The following KDM7A variants were observed in gnomAD, a reference collection of about 807,000 sequenced individuals.
KDM7A encodes lysine-specific demethylase 7A.
A neutral mutation model predicts 114.8 loss-of-function variants in KDM7A; 28 were observed. The ratio of observed to expected loss-of-function variants is 0.24; its 90% confidence interval spans 0.18 to 0.33. The LOEUF is 0.33. KDM7A is among the 10% of genes least tolerant of loss of function. KDM7A has a pLI of 1.00. For missense variants in KDM7A, 942 were observed against 1,142.5 expected (o/e 0.82, Z 2.53); for synonymous variants, 423 against 397.8 (o/e 1.06, Z -0.75).
intron 1 of KDM7A, among the ~76,000 whole-genome samples, chr7:140,157,598 G>A: frequency 6.6e-6 from 1 of 152,134 alleles, no homozygotes; most frequent in Non-Finnish European, 1.5e-5. Flanking sequence ...AGGCTGCAGT[G>A]AGCTGTGATC....
chr7:140,176,398 G>A lies in KDM7A; in HGVS notation c.194+346C>T, dbSNP rs1351567484. Among the ~76,000 whole-genome samples the A allele has an allele frequency of 7.0e-6, 1 of 143,714 alleles. No homozygotes were observed. The highest frequency in any genetic ancestry group is 1.5e-5 in the Non-Finnish European group (1 of 64,954). The allele number at this position is 143,714 out of a possible 152,430, so 94.3% of individuals were successfully genotyped here. A position where few individuals can be genotyped will look rare whatever the true frequency, so the allele number is the denominator to read the frequency against. ...GCGGCCCGGGCTGGCGAGGGGCTGC[G>A]GACCCGGCCGGCGCTCCGCCCGACG... is the stretch of plus-strand genomic sequence containing the variant. On this transcript the variant is annotated intron_variant, in intron 1 of 19. Coordinates refer to ENST00000397560, the MANE Select transcript of KDM7A (RefSeq NM_030647.2). This position sits in a 1 kb window ranked among gnomAD's most constrained non-coding sequence, Gnocchi z 4.4.
Position 140,090,980 on chromosome 7 carries a change from C to A in KDM7A, c.*114G>T, listed in dbSNP as rs1275802401. On this transcript the variant is annotated 3_prime_UTR_variant, in exon 20 of 20. Coordinates refer to ENST00000397560, the MANE Select transcript of KDM7A (RefSeq NM_030647.2). ...CATCAGGTTCATTCTGTTCTTCGGG[C>A]AGTGTTCTTACTATACACACAAACT... 2.1e-5 allele frequency: 15 copies of A among 720,606 alleles called. No individual in the cohort carries two copies. In the East Asian group the frequency reaches 3.8e-4, roughly 18 times the overall value. The allele number at this position is 720,606 out of a possible 1,614,324, so 44.6% of individuals were successfully genotyped here. A position where few individuals can be genotyped will look rare whatever the true frequency, so the allele number is the denominator to read the frequency against.
intron 13 of KDM7A, among the ~76,000 whole-genome samples, chr7:140,099,583 G>GT (rs1818168922): frequency 6.6e-6 from 1 of 152,208 alleles, no homozygotes; most frequent in Non-Finnish European, 1.5e-5. Context: ...ACAGCAGGAG[G>GT]TAAGTAGTGG....
At chr7:140,107,830 T>C (rs1278102427) in intron 11 of KDM7A, among the ~76,000 whole-genome samples, 2 of 152,212 alleles carry the variant, frequency 1.3e-5, no homozygotes, top group Non-Finnish European at 2.9e-5. Context: ...CCTTGCTAGG[T>C]TGGGGAAGTT....
At chr7:140,113,744 A>G (rs1357841909) in intron 9 of KDM7A, among the ~76,000 whole-genome samples, 162 bp from the exon 10 acceptor site, 2 of 152,238 alleles carry the variant, frequency 1.3e-5, no homozygotes, top group East Asian at 1.9e-4. Context: ...AAAAGACAAT[A>G]AAGAAACAGA....
chr7:140,165,845 G>GA (rs11440764), intron 1 of KDM7A, among the ~76,000 whole-genome samples: 106,266 of 151,074 alleles, frequency 0.7, 38,801 homozygotes, highest in African/African-American at 0.92. Flanking sequence ...AGTAAGGAAA[G>GA]AAAAAAAAAC....
chr7:140,133,439 T>C (rs1818821319), intron 3 of KDM7A, 100 bp downstream of exon 3: 1 of 672,064 alleles, frequency 1.5e-6, no homozygotes, highest in African/African-American at 1.8e-5. Flanking sequence ...AATAATGGGT[T>C]GCAGCCTAAG....
chr7:140,155,626 G>C (rs1337531664), intron 1 of KDM7A, among the ~76,000 whole-genome samples: 2 of 152,330 alleles, frequency 1.3e-5, no homozygotes, highest in Non-Finnish European at 1.5e-5. Flanking sequence ...TTAGGAGACA[G>C]TGGGAACTGG....
chr7:140,160,514 C>CCGATTTA (rs1331980896), intron 1 of KDM7A, among the ~76,000 whole-genome samples: 1 of 152,154 alleles, frequency 6.6e-6, no homozygotes, highest in Non-Finnish European at 1.5e-5. Flanking sequence ...CAGACAGTCT[C>CCGATTTA]CGATTTACAA....
chr7:140,143,241 T>C, intron 1 of KDM7A, among the ~76,000 whole-genome samples: 1 of 147,790 alleles, frequency 6.8e-6, no homozygotes, highest in South Asian at 2.1e-4. Flanking sequence ...ATGCAGAAAA[T>C]TCAAAACTAG....
chr7:140,092,653 G>C (rs1353386440), intron 18 of KDM7A, among the ~76,000 whole-genome samples: 1 of 152,148 alleles, frequency 6.6e-6, no homozygotes, highest in Non-Finnish European at 1.5e-5. Context: ...AACTGAGAGG[G>C]TTATAACCAG....
intron 1 of KDM7A, among the ~76,000 whole-genome samples, chr7:140,160,796 AAAGAT>A (rs1279209521): frequency 6.6e-6 from 1 of 152,228 alleles, no homozygotes; most frequent in Non-Finnish European, 1.5e-5. Flanking sequence ...CCACAAAGGC[AAAGAT>A]AAGAAGAGAA....
At position 140,127,413 on chromosome 7, in the gene KDM7A, G is replaced by A. The variant is rs749893791; in HGVS notation, c.701+29C>T. On this transcript the variant is annotated intron_variant, in intron 5 of 19. Coordinates refer to ENST00000397560, the MANE Select transcript of KDM7A (RefSeq NM_030647.2). ...ACTACATTTAGCTAACACTCAGAAT[G>A]CTAAACCAAAATACCCAGAACTACT... 4.4e-6 allele frequency: 7 copies of A among 1,592,508 alleles called. No individual in the cohort carries two copies. The African/African-American group carries it at 6.8e-5, about 15-fold the overall frequency.
chr7:140,137,245 C>T (rs1818886134), intron 2 of KDM7A, among the ~76,000 whole-genome samples: 1 of 152,090 alleles, frequency 6.6e-6, no homozygotes, highest in South Asian at 2.1e-4. Context: ...CTCTCCAAAG[C>T]ATAATTACTC....
At chr7:140,099,146 A>G in intron 13 of KDM7A, 113 bp from the exon 14 acceptor site, 1 of 846,534 alleles carries the variant, frequency 1.2e-6, no homozygotes, top group East Asian at 2.6e-5. Context: ...CACTGTCCCC[A>G]TATTTCATTC....
chr7:140,106,815 A>T (rs1452047294), intron 11 of KDM7A, among the ~76,000 whole-genome samples: 1 of 152,138 alleles, frequency 6.6e-6, no homozygotes. Context: ...ACTTGGTGCA[A>T]GCTGAGTTCA....
intron 7 of KDM7A, among the ~76,000 whole-genome samples, chr7:140,124,267 T>C (rs772658175): frequency 4.8e-5 from 7 of 146,622 alleles, no homozygotes; most frequent in Non-Finnish European, 7.5e-5. Context: ...AGGTTTCTTT[T>C]TGAGACAATG....
chr7:140,096,834 TAA>T, intron 16 of KDM7A, 63 bp downstream of exon 16: 1 of 1,585,570 alleles, frequency 6.3e-7, no homozygotes, highest in South Asian at 1.1e-5. Context: ...AATTTAAAAC[TAA>T]AAAAAGTGTT....
chr7:140,091,653 C>G, intron 19 of KDM7A, 151 bp downstream of exon 19: 1 of 839,926 alleles, frequency 1.2e-6, no homozygotes, highest in South Asian at 1.7e-5. Context: ...TTTCTTTGTT[C>G]CTGTAGTAGC....
Sources: allele counts gnomAD v4.1 joint callset (sites outside exome capture counted in the v4.1 genomes callset), GRCh38; gene constraint gnomAD v4.1.1; non-coding constraint Gnocchi (gnomAD v3.1); transcripts MANE v1.5; gene names NCBI Gene and HGNC (gene_info 2026-07-23, HGNC 2026-07-21).